MRPL34: variants seen among roughly 807,000 people sequenced by gnomAD.
The protein encoded by MRPL34 is large ribosomal subunit protein bL34m.
MRPL34 carries 8 observed loss-of-function variants against 6.7 expected under a neutral mutation model. The ratio of observed to expected loss-of-function variants is 1.20; its 90% CI spans 0.70 to 2.16. The LOEUF is 2.16. MRPL34 is among the 30% of genes most tolerant of loss of function. The probability of loss-of-function intolerance (pLI) is 0.00; values close to 1 mark genes in which losing one functional copy is unlikely to be tolerated. For missense variants in MRPL34, 146 were observed against 125.5 expected, an observed-to-expected ratio of 1.16 and a Z score of -0.78; for synonymous variants, 59 against 55.1, an observed-to-expected ratio of 1.07 and a Z score of -0.31.
chr19:17,301,862 C>T (rs574107592), upstream of MRPL34, among the ~76,000 whole-genome samples: 1 of 151,944 alleles, frequency 6.6e-6, no homozygotes, highest in African/African-American at 2.4e-5. Context: ...GGCCGGATTT[C>T]GGCTTACTGC....
intron 1 of MRPL34, chr19:17,294,961 TC>T (rs2074087278): frequency 4.6e-6 from 6 of 1,293,710 alleles, no homozygotes. Context: ...TTTTACTCTG[TC>T]CCCCAGGCTG....
At chr19:17,305,657 G>A, upstream of MRPL34, 1 of 576,908 alleles carries the variant, frequency 1.7e-6, no homozygotes, top group Non-Finnish European at 3.1e-6. Context: ...TTGCTCAGAA[G>A]GCGCCGTTCG....
In MRPL34 at chr19:17,306,152, C is replaced by T. The variant is rs1481708927; in HGVS notation, c.66-14C>T. On this transcript the variant is annotated splice_polypyrimidine_tract_variant and intron_variant, in intron 1 of 1. Coordinates refer to ENST00000252602, the MANE Select transcript of MRPL34 (RefSeq NM_023937.4). ...CCCCGTCTGACCTTTCTCGCCGTCCCTCTACCCACGCAGGTGGCTCCAGCC... is the reference window on the plus strand; with the variant it reads ...CCCCGTCTGACCTTTCTCGCCGTCCTTCTACCCACGCAGGTGGCTCCAGCC... The T allele has an allele frequency of 1.3e-6, 2 of 1,515,568 alleles. No homozygotes were observed. Among genetic ancestry groups the T allele is most frequent in the East Asian group, 4.9e-5 (2 of 40,662 alleles). The allele number at this position is 1,515,568 out of a possible 1,614,324, so 93.9% of individuals were successfully genotyped here.
chr19:17,305,577 G>T, upstream of MRPL34: 1 of 352,036 alleles, frequency 2.8e-6, no homozygotes, highest in Non-Finnish European at 5.3e-6. Context: ...CCCTCTGCCG[G>T]TCAATAGGAG....
At chr19:17,292,733 C>G in exon 1 of MRPL34, 6 of 1,613,800 alleles carry the variant, frequency 3.7e-6, no homozygotes, top group Non-Finnish European at 5.1e-6. Context: ...GCTCCCAGAG[C>G]AGGAATTCGT....
At chr19:17,298,821 A>C (rs985671915), upstream of MRPL34, among the ~76,000 whole-genome samples, 3 of 139,614 alleles carry the variant, frequency 2.1e-5, no homozygotes, top group Non-Finnish European at 4.5e-5. Flanking sequence ...GCTCACTGCA[A>C]CCTCTGCCTC....
In MRPL34 at chr19:17,294,791, C is replaced by A. The variant is rs769117374; in HGVS notation, c.214+1937C>A. Reference sequence around the variant, plus strand: ...TAGGGCCCCCGCCATTGATCATGATCACCTTGTGCACTAGGTCTGGGTACT... The same window carrying A: ...TAGGGCCCCCGCCATTGATCATGATAACCTTGTGCACTAGGTCTGGGTACT... On this transcript the variant is annotated intron_variant, in intron 1 of 2. Transcript: ENST00000595444. 3 of 1,614,230 alleles carry A rather than the reference C, an allele frequency of 1.9e-6. No individual in the cohort carries two copies. In the East Asian group the frequency reaches 6.7e-5, roughly 36 times the overall value.
chr19:17,301,167 T>TCGC (rs1040080172), upstream of MRPL34: 5 of 1,609,328 alleles, frequency 3.1e-6, no homozygotes, highest in Admixed American at 6.7e-5. Flanking sequence ...GGCGCCTGGC[T>TCGC]CGCCGCCGCC....
chr19:17,306,051 C>T, intron 1 of MRPL34, 94 bp downstream of exon 1: 4 of 1,551,780 alleles, frequency 2.6e-6, no homozygotes, highest in Non-Finnish European at 8.8e-7. Context: ...CCTGCCAGTG[C>T]CTTGCGCATT....
At chr19:17,294,438 C>T (rs758833512) in intron 1 of MRPL34, 12 of 1,614,030 alleles carry the variant, frequency 7.4e-6, no homozygotes, top group Non-Finnish European at 1.0e-5. Context: ...CGAAGGATGA[C>T]ACGTTGAAAG....
chr19:17,296,999 A>T (rs1271022919), intron 1 of MRPL34, among the ~76,000 whole-genome samples: 1 of 152,108 alleles, frequency 6.6e-6, no homozygotes, highest in African/African-American at 2.4e-5. Context: ...CTGGCCAAAA[A>T]ATGTTTCCTA....
upstream of MRPL34, among the ~76,000 whole-genome samples, chr19:17,299,283 C>T (rs1234502183): frequency 7.0e-6 from 1 of 143,428 alleles, no homozygotes; most frequent in Non-Finnish European, 1.5e-5. Context: ...GAAAATTGGC[C>T]TGGTGCGTTG....
At chr19:17,300,314 C>T (rs1568348167), upstream of MRPL34, among the ~76,000 whole-genome samples, 1 of 151,904 alleles carries the variant, frequency 6.6e-6, no homozygotes, top group South Asian at 2.1e-4. Flanking sequence ...CAAGCAATCT[C>T]CTGCCTCAGC....
upstream of MRPL34, among the ~76,000 whole-genome samples, chr19:17,300,346 T>A (rs1231538298): frequency 6.6e-6 from 1 of 151,500 alleles, no homozygotes; most frequent in Non-Finnish European, 1.5e-5. Context: ...TGGAACTATA[T>A]GCGTGCACCT....
At chr19:17,300,009 A>G (rs536616786), upstream of MRPL34, among the ~76,000 whole-genome samples, 1 of 148,394 alleles carries the variant, frequency 6.7e-6, no homozygotes, top group East Asian at 2.0e-4. Context: ...TGCTCATGCC[A>G]TTCTCCTGCC....
chr19:17,300,899 G>T, upstream of MRPL34: 1 of 1,606,762 alleles, frequency 6.2e-7, no homozygotes, highest in Non-Finnish European at 8.5e-7. Flanking sequence ...TTGGCATAGC[G>T]CTTGAAGATT....
chr19:17,306,142 C>G (rs769853762), intron 1 of MRPL34, 24 bp from the exon 2 acceptor site: 1 of 1,508,248 alleles, frequency 6.6e-7, no homozygotes, highest in East Asian at 2.5e-5. Flanking sequence ...TCTGACCTTT[C>G]TCGCCGTCCC....
chr19:17,300,831 A>G (rs202211622), upstream of MRPL34: 2 of 1,561,240 alleles, frequency 1.3e-6, no homozygotes, highest in African/African-American at 1.4e-5. Context: ...CCTCACCCCC[A>G]CCCCACATGC....
At position 17,305,941 on chromosome 19, in the gene MRPL34, G is replaced by C. The variant is rs759596930; in HGVS notation, c.49G>C (p.Ala17Pro). The C allele has an allele frequency of 6.2e-7, 1 of 1,614,172 alleles. No individual in the cohort carries two copies. The highest frequency in any genetic ancestry group is 8.5e-7 in the Non-Finnish European group (1 of 1,180,014). ...SLLGPTSRSA[A>P]LLGGRWLQPR... ...GTTGGGCCCCACGAGTAGGTCGGCA[G>C]CGTTGCTGGGTGGCAGGTAAGTCCT... The change falls in exon 1 of 2, where the codon GCG becomes CCG. Residue 17 changes from alanine (A) to proline (P), a missense_variant. By Grantham distance (27) the Ala-to-Pro change is conservative (BLOSUM62 -1). Coordinates refer to ENST00000252602, the MANE Select transcript of MRPL34 (RefSeq NM_023937.4).
Sources: gnomAD v4.1 joint callset for allele counts (sites outside exome capture counted in the v4.1 genomes callset) on GRCh38, gnomAD v4.1.1 for gene constraint, MANE v1.5 for transcripts, NCBI Gene and HGNC (gene_info 2026-07-23, HGNC 2026-07-21) for gene names.